Variants in ZC3H12B observed in about 807,000 individuals in gnomAD.
ZC3H12B encodes the protein probable ribonuclease ZC3H12B.
Under a neutral mutation model 43.9 loss-of-function variants are expected in ZC3H12B, and 7 were observed. The observed-to-expected ratio is 0.16, with a 90% CI of 0.09 to 0.30. The LOEUF (loss-of-function observed/expected upper bound fraction) is 0.30. Among genes scored for constraint, ZC3H12B ranks in the 10% least tolerant of loss-of-function variants. The pLI is 1.00. For synonymous variants in ZC3H12B, 222 were observed against 241.7 expected, an observed-to-expected ratio of 0.92 and a Z score of 0.76; for missense variants, 475 against 670.2, an observed-to-expected ratio of 0.71 and a Z score of 3.22.
chrX:65,340,898 G>A, the ZC3H12B span, among the ~76,000 whole-genome samples: 1 of 111,871 alleles, frequency 8.9e-6, no homozygotes, highest in Non-Finnish European at 1.9e-5. Context: ...ATATGAATAG[G>A]AACAAAGATC....
At chrX:65,281,157 G>A in the ZC3H12B span, among the ~76,000 whole-genome samples, 1 of 109,365 alleles carries the variant, frequency 9.1e-6, no homozygotes, top group Admixed American at 9.8e-5. Flanking sequence ...CATGGTACTG[G>A]CATTAAAAAA....
At chrX:65,309,569 G>A in the ZC3H12B span, among the ~76,000 whole-genome samples, 3 of 111,662 alleles carry the variant, frequency 2.7e-5, no homozygotes, top group Admixed American at 9.5e-5. Flanking sequence ...CCAGAGGTAC[G>A]AAGAGGAGCT....
chrX:65,321,771 C>A, the ZC3H12B span, among the ~76,000 whole-genome samples: 1 of 110,464 alleles, frequency 9.1e-6, no homozygotes, highest in African/African-American at 3.3e-5. Context: ...ATGCCATTAT[C>A]CTTAAAAACT....
intron 3 of ZC3H12B, among the ~76,000 whole-genome samples, chrX:65,464,357 T>C (rs2067791157): frequency 8.9e-6 from 1 of 111,815 alleles, no homozygotes. Context: ...TAGTATTTTG[T>C]CTTTCTAGGA....
the ZC3H12B span, among the ~76,000 whole-genome samples, chrX:65,260,094 A>AT: frequency 1.8e-5 from 2 of 111,327 alleles, no homozygotes; most frequent in Non-Finnish European, 3.8e-5. Flanking sequence ...GTGGCGAGGG[A>AT]TAAAAAAACT....
chrX:65,165,736 A>G, the ZC3H12B span, among the ~76,000 whole-genome samples: 2 of 112,362 alleles, frequency 1.8e-5, no homozygotes, highest in African/African-American at 6.5e-5. Context: ...TGTTATTGAA[A>G]ATAGTGCTGC....
chrX:65,463,414 A>T (rs1265572146), intron 3 of ZC3H12B, among the ~76,000 whole-genome samples: 1 of 112,006 alleles, frequency 8.9e-6, no homozygotes. Context: ...GTCATCTATG[A>T]TTCCTTTTAA....
chrX:65,315,298 G>A, the ZC3H12B span, among the ~76,000 whole-genome samples: 9 of 111,995 alleles, frequency 8.0e-5, no homozygotes, highest in East Asian at 1.7e-3. Flanking sequence ...ATGGTTTTTA[G>A]CATATGTAGA....
intron 3 of ZC3H12B, among the ~76,000 whole-genome samples, chrX:65,451,401 A>G (rs1158404757): frequency 8.9e-6 from 1 of 112,192 alleles, no homozygotes; most frequent in Non-Finnish European, 1.9e-5. Context: ...CAGATAATGC[A>G]TAAGTCTTCA....
rs780925787 is a variant in ZC3H12B, at chrX:65,390,648, G to A, written n.296-7945G>A. On this transcript the variant is annotated intron_variant and non_coding_transcript_variant, in intron 2 of 5. Coordinates refer to the ZC3H12B transcript ENST00000617377. ...ACTTCAACCCCCACCCCCACCTTCA[G>A]CATGGGATGTATCTTCTAGACCATT... is the stretch of plus-strand genomic sequence containing the variant. Among the ~76,000 whole-genome samples the A allele has an allele frequency of 7.3e-4, 76 of 103,934 alleles. 1 individual carries two copies. Among genetic ancestry groups the A allele is most frequent in the African/African-American group, 2.7e-3 (76 of 28,004 alleles). 90.3% of individuals were successfully genotyped at this position (103,934 alleles called of 115,157 possible). A position where few individuals can be genotyped will look rare whatever the true frequency, so the allele number is the denominator to read the frequency against.
At chrX:65,501,329 G>A (rs772258035) in intron 4 of ZC3H12B, among the ~76,000 whole-genome samples, 1 of 98,752 alleles carries the variant, frequency 1.0e-5, no homozygotes, top group East Asian at 3.1e-4. Flanking sequence ...ACGGCTCACT[G>A]CAGCCTTGAC....
At chrX:65,117,604 G>C in the ZC3H12B span, among the ~76,000 whole-genome samples, 2 of 111,775 alleles carry the variant, frequency 1.8e-5, no homozygotes, top group African/African-American at 6.5e-5. Context: ...TGTTGCCATT[G>C]GTTTTGGTGT....
chrX:65,391,429 G>A (rs1299265982), intron 2 of ZC3H12B, among the ~76,000 whole-genome samples: 1 of 111,864 alleles, frequency 8.9e-6, no homozygotes, highest in Admixed American at 9.5e-5. Flanking sequence ...AGAAAACTAA[G>A]ATATCTCTTT....
At chrX:65,051,856 C>G in the ZC3H12B span, among the ~76,000 whole-genome samples, 1 of 110,193 alleles carries the variant, frequency 9.1e-6, no homozygotes, top group East Asian at 2.8e-4. Flanking sequence ...CACAGGGGTA[C>G]CTAAAACTGT....
chrX:65,251,924 T>G, the ZC3H12B span, among the ~76,000 whole-genome samples: 22 of 111,650 alleles, frequency 2.0e-4, no homozygotes, highest in Non-Finnish European at 2.8e-4. Context: ...GAATACCCTT[T>G]ATTACTTTCT....
intron 3 of ZC3H12B, chrX:65,408,556 C>T (rs938389063): frequency 8.4e-7 from 1 of 1,193,881 alleles, no homozygotes; most frequent in African/African-American, 1.7e-5. Flanking sequence ...TCCCGCCCCT[C>T]GGGGGCAGTG....
chrX:65,328,840 T>C, the ZC3H12B span, among the ~76,000 whole-genome samples: 1 of 108,325 alleles, frequency 9.2e-6, no homozygotes, highest in African/African-American at 3.4e-5. Flanking sequence ...AGAATGATGG[T>C]TTCCAGCTTC....
At chrX:65,116,881 G>A in the ZC3H12B span, among the ~76,000 whole-genome samples, 2 of 111,371 alleles carry the variant, frequency 1.8e-5, no homozygotes, top group Non-Finnish European at 3.8e-5. Flanking sequence ...TCTCTGCAAG[G>A]GACATACTCA....
chrX:65,310,825 G>C, the ZC3H12B span, among the ~76,000 whole-genome samples: 2 of 111,319 alleles, frequency 1.8e-5, no homozygotes, highest in African/African-American at 6.5e-5. Flanking sequence ...CAGAACAGGG[G>C]CCTCAGAAAT....
Sources: gnomAD v4.1 joint callset for allele counts (sites outside exome capture counted in the v4.1 genomes callset) on GRCh38, gnomAD v4.1.1 for gene constraint, MANE v1.5 for transcripts, NCBI Gene and HGNC (gene_info 2026-07-23, HGNC 2026-07-21) for gene names.